The following NBEAL1 variants were observed in gnomAD, a reference collection of about 807,000 sequenced individuals.
The protein encoded by NBEAL1 is neurobeachin like 1.
In NBEAL1, 273 loss-of-function variants were observed where a neutral mutation model predicts 351.3. The observed-to-expected ratio is 0.78, with a 90% confidence interval of 0.70 to 0.86. The LOEUF is 0.86. NBEAL1 is among the 40% of genes least tolerant of loss of function. The pLI is 0.00. For missense variants in NBEAL1, 2,961 were observed against 3,201.3 expected (o/e 0.92, Z 1.81); for synonymous variants, 1,050 against 1,086.4 (o/e 0.97, Z 0.66).
chr2:203,133,267 T>G, intron 27 of NBEAL1, 121 bp downstream of exon 27: 1 of 440,888 alleles, frequency 2.3e-6, no homozygotes, highest in African/African-American at 2.0e-5. Flanking sequence ...CGTAATTTTA[T>G]AAGTAAACAA....
intron 3 of NBEAL1, among the ~76,000 whole-genome samples, chr2:203,046,449 C>A (rs763807115): frequency 6.6e-6 from 1 of 152,058 alleles, no homozygotes; most frequent in Non-Finnish European, 1.5e-5. Flanking sequence ...CATCTCCTGA[C>A]CTCAGGTGAT....
chr2:203,111,818 C>T (rs1559373702), intron 15 of NBEAL1, among the ~76,000 whole-genome samples, 161 bp from the exon 16 acceptor site: 1 of 152,122 alleles, frequency 6.6e-6, no homozygotes, highest in African/African-American at 2.4e-5. Context: ...TTTTGTACTA[C>T]TATGGAAAAA....
intron 27 of NBEAL1, among the ~76,000 whole-genome samples, chr2:203,133,721 A>G (rs200406932): frequency 9.4e-4 from 142 of 150,596 alleles, no homozygotes; most frequent in Middle Eastern, 3.4e-3. Flanking sequence ...ATATATATAT[A>G]TGTGTGTGTG....
chr2:203,122,774 C>T (rs973807166), intron 19 of NBEAL1, among the ~76,000 whole-genome samples: 1 of 152,196 alleles, frequency 6.6e-6, no homozygotes, highest in Non-Finnish European at 1.5e-5. Flanking sequence ...GACCAAACTG[C>T]TCTTATGGGT....
At chr2:203,182,154 G>C (rs1054654601) in intron 43 of NBEAL1, 1 of 152,162 alleles carries the variant, frequency 6.6e-6, no homozygotes, top group African/African-American at 2.4e-5. Flanking sequence ...TGCAAACAAG[G>C]AAATTTTAGT....
At chr2:203,162,812 G>T (rs922333934) in intron 36 of NBEAL1, among the ~76,000 whole-genome samples, 2 of 152,108 alleles carry the variant, frequency 1.3e-5, no homozygotes, top group Admixed American at 1.3e-4. Context: ...GCACAACATT[G>T]TATTCAAATA....
rs201323789 is a variant in NBEAL1 at position 203,151,585 on chromosome 2, T to A, written c.5583T>A (p.Asn1861Lys). 8.8e-6 allele frequency: 14 copies of A among 1,599,674 alleles called. No individual in the cohort carries two copies. In the Admixed American group the frequency reaches 2.5e-4, roughly 28 times the overall value. Residue 1861 changes from asparagine (N) to lysine (K), a missense_variant, in exon 35 of 56, where the codon AAT becomes AAA. Physicochemically the swap from Asn to Lys is moderately conservative, Grantham distance 94 (BLOSUM62 0). Coordinates refer to ENST00000683969, the MANE Select transcript of NBEAL1 (RefSeq NM_001378026.1). ...THEEASALRD[N>K]LGIQHSQPSS... is the part of the protein sequence containing the mutation. ...AGGAAGCTAGTGCCTTGAGAGATAA[T>A]CTGGGTGAGTTCCAATGACTGTTTA...
intron 32 of NBEAL1, 27 bp from the exon 33 acceptor site, chr2:203,144,984 A>T (rs1559402722): frequency 6.6e-7 from 1 of 1,510,474 alleles, no homozygotes; most frequent in African/African-American, 1.4e-5. Context: ...ATTAAATTTT[A>T]TGTATCTTTT....
At chr2:203,207,107 C>CGTCTCTGCCTGCCAAGATTAT (rs765589423) in intron 51 of NBEAL1, among the ~76,000 whole-genome samples, 1,622 of 151,614 alleles carry the variant, frequency 0.011, 19 homozygotes, top group Non-Finnish European at 0.017. Context: ...TCTGCCCGGC[C>CGTCTCTGCCTGCCAAGATTAT]GCCCCGTCTG....
intron 29 of NBEAL1, among the ~76,000 whole-genome samples, chr2:203,137,756 G>T (rs1024119214): frequency 1.9e-4 from 29 of 152,018 alleles, no homozygotes; most frequent in African/African-American, 6.8e-4. Context: ...GGCTAAGGCA[G>T]GTGGATCACC....
chr2:203,018,447 A>AAC (rs1553593032), intron 2 of NBEAL1, among the ~76,000 whole-genome samples: 1 of 151,532 alleles, frequency 6.6e-6, no homozygotes, highest in African/African-American at 2.4e-5. Flanking sequence ...AACAAGACTT[A>AAC]CTCTTTGGGT....
At chr2:203,117,664 C>CT (rs1574994637) in intron 18 of NBEAL1, among the ~76,000 whole-genome samples, 1 of 152,106 alleles carries the variant, frequency 6.6e-6, no homozygotes, top group East Asian at 1.9e-4. Context: ...GGAAAAAGGA[C>CT]TTTTTTCTAC....
chr2:203,106,365 A>G (rs965161461), intron 12 of NBEAL1, among the ~76,000 whole-genome samples: 3 of 151,964 alleles, frequency 2.0e-5, no homozygotes, highest in Admixed American at 2.0e-4. Flanking sequence ...GTGTTAGGAG[A>G]CTCTAACTTT....
At chr2:203,145,928 A>G (rs1218512676) in intron 33 of NBEAL1, among the ~76,000 whole-genome samples, 1 of 151,988 alleles carries the variant, frequency 6.6e-6, no homozygotes, top group African/African-American at 2.4e-5. Context: ...ATAATAGAGA[A>G]AATCAATGAA....
chr2:203,212,040 T>C (rs1036859933), intron 54 of NBEAL1, among the ~76,000 whole-genome samples: 33 of 151,898 alleles, frequency 2.2e-4, no homozygotes, highest in African/African-American at 7.7e-4. Flanking sequence ...GTGCGTGCCA[T>C]CGTGCCCAGC....
rs1367755713 is a variant in NBEAL1, at chr2:203,220,183, C to G, written c.*2829C>G. Among the ~76,000 whole-genome samples, 1 of 152,088 alleles carries G rather than the reference C, an allele frequency of 6.6e-6. No individual in the cohort carries two copies. The highest frequency in any genetic ancestry group is 6.6e-5 in the Admixed American group (1 of 15,250). On this transcript the variant is annotated 3_prime_UTR_variant, in exon 56 of 56. Coordinates refer to ENST00000683969, the MANE Select transcript of NBEAL1 (RefSeq NM_001378026.1). ...TGGTGAATATAGTATCTCAAGTTGG[C>G]TCTTACAAAGTCTGTTACCTGGCCA...
chr2:203,039,032 A>G (rs892160297), intron 2 of NBEAL1, among the ~76,000 whole-genome samples: 2 of 148,292 alleles, frequency 1.3e-5, no homozygotes, highest in Non-Finnish European at 3.0e-5. Context: ...ATTTTGATTA[A>G]TACCAGTTAT....
In NBEAL1 at chr2:203,136,029, A is replaced by G. The variant is rs762790955; in HGVS notation, c.4166A>G (p.Gln1389Arg). 13 of 1,613,654 alleles carry G rather than the reference A, an allele frequency of 8.1e-6. No homozygotes were observed. In the South Asian group the frequency reaches 1.3e-4, roughly 16 times the overall value. ...VGELSFKSEN[Q>R]EEFWHSNPSH... ...GAATTGTCTTTCAAATCAGAGAATC[A>G]AGAGGAATTCTGGCATAGTAACCCT... Residue 1389 changes from glutamine to arginine, a missense_variant, in exon 28 of 56, where the codon CAA (glutamine) becomes CGA (arginine). Gln to Arg is a conservative substitution (Grantham distance 43). Transcript: ENST00000683969.
intron 21 of NBEAL1, 22 bp downstream of exon 21, chr2:203,126,115 T>C: frequency 6.6e-7 from 1 of 1,516,874 alleles, no homozygotes; most frequent in Non-Finnish European, 8.8e-7. Context: ...TAACATTGTG[T>C]TGATGTAGCT....
Sources: allele counts gnomAD v4.1 joint callset (sites outside exome capture counted in the v4.1 genomes callset), GRCh38; gene constraint gnomAD v4.1.1; transcripts MANE v1.5; gene names NCBI Gene and HGNC (gene_info 2026-07-23, HGNC 2026-07-21).